The following RNF17 variants were observed in gnomAD, a reference collection of about 807,000 sequenced individuals.
RNF17 encodes ring finger protein 17, also known as spermatogenesis associated 23.
In RNF17, 31 loss-of-function variants were observed where a neutral mutation model predicts 200.5. The observed-to-expected ratio is 0.15, with a 90% CI of 0.12 to 0.21. The LOEUF (loss-of-function observed/expected upper bound fraction) is 0.21, where lower values mean the gene tolerates loss of function less well. Among genes scored for constraint, RNF17 ranks in the 10% least tolerant of loss-of-function variants. The pLI, the probability that RNF17 is intolerant of heterozygous loss-of-function variation, is 1.00. For missense variants in RNF17, 1,628 were observed against 1,905.1 expected (o/e 0.85, Z 2.71); for synonymous variants, 606 against 637.8 (o/e 0.95, Z 0.75).
At chr13:24,772,684 C>T (rs1356432894) in intron 2 of RNF17, among the ~76,000 whole-genome samples, 3 of 151,684 alleles carry the variant, frequency 2.0e-5, no homozygotes, top group Non-Finnish European at 4.4e-5. Context: ...CATCTCAGCT[C>T]ACTGCAAGCT....
chr13:24,764,712 G>A (rs1032218617), intron 1 of RNF17, among the ~76,000 whole-genome samples: 8 of 152,212 alleles, frequency 5.3e-5, no homozygotes, highest in African/African-American at 1.9e-4. Flanking sequence ...ATTTTCTCCT[G>A]TAGTTTTTGT....
chr13:24,850,565 G>GT, intron 23 of RNF17, 122 bp downstream of exon 23: 1 of 639,832 alleles, frequency 1.6e-6, no homozygotes, highest in South Asian at 2.3e-5. Flanking sequence ...AATTTTGTCG[G>GT]TTTTATTTCA....
rs1891892474 is a variant in RNF17 at position 24,851,542 on chromosome 13, T to C, written c.3291T>C (p.Ile1097=). 6.2e-7 allele frequency: 1 copy of C among 1,612,334 alleles called. No homozygotes were observed. Among genetic ancestry groups the C allele is most frequent in the African/African-American group, 1.3e-5 (1 of 74,828 alleles). ...GTGTTGATGTTTCTAAATATTTGAT[T>C]AAAAAGGGTTTGGCTTTGAGAGAAA... ...GERVDVSKYL[I]KKGLALRERR... is the part of the protein sequence containing the mutation. Residue 1097 remains isoleucine (I), a synonymous_variant, in exon 24 of 36, where the codon ATT becomes ATC. Transcript: ENST00000255324.
At position 24,844,974 on chromosome 13, in the gene RNF17, A is replaced by C; in HGVS notation, c.2996A>C (p.Asp999Ala). The change falls in exon 22 of 36, where the codon GAT (aspartate) becomes GCT (alanine). Residue 999 changes from aspartate (D) to alanine (A), a missense_variant. Coordinates refer to ENST00000255324, the MANE Select transcript of RNF17 (RefSeq NM_031277.3). Reference protein sequence around the residue: ...TDTLVEVLLYDVGVELVVNVD... With the variant: ...TDTLVEVLLYAVGVELVVNVD... ...TTATTTTCTTAGGTCTTGCTGTATG[A>C]TGTGGGTGTTGAACTAGTAGTGAAT... 6.2e-7 allele frequency: 1 copy of C among 1,601,740 alleles called. No individual in the cohort carries two copies. The highest frequency in any genetic ancestry group is 8.6e-7 in the Non-Finnish European group (1 of 1,169,218).
chr13:24,792,431 A>C (rs865811515), intron 9 of RNF17, among the ~76,000 whole-genome samples: 8 of 152,262 alleles, frequency 5.3e-5, no homozygotes, highest in Middle Eastern at 3.4e-3. Flanking sequence ...AAAACTTGAG[A>C]AGGAGCAGAC....
intron 15 of RNF17, among the ~76,000 whole-genome samples, chr13:24,820,121 CTTTTTTTT>C (rs200683421): frequency 1.8e-4 from 20 of 113,316 alleles, no homozygotes; most frequent in Non-Finnish European, 3.4e-4. Flanking sequence ...TTTCTTTTTT[CTTTTTTTT>C]TTTTTTTTTT....
chr13:24,757,875 T>C, the RNF17 span, among the ~76,000 whole-genome samples: 33 of 152,332 alleles, frequency 2.2e-4, no homozygotes, highest in African/African-American at 7.7e-4. Context: ...CCAAATCTCA[T>C]GTCAAATTGT....
the RNF17 span, among the ~76,000 whole-genome samples, chr13:24,753,547 G>A: frequency 6.6e-6 from 1 of 152,182 alleles, no homozygotes; most frequent in African/African-American, 2.4e-5. Flanking sequence ...AAGGCAAGGA[G>A]TTGAGGAAGA....
intron 2 of RNF17, among the ~76,000 whole-genome samples, chr13:24,770,404 C>A (rs1880492888): frequency 6.6e-6 from 1 of 152,054 alleles, no homozygotes; most frequent in African/African-American, 2.4e-5. Flanking sequence ...TACTTAAAAT[C>A]TTTTAAATTA....
chr13:24,788,649 C>T (rs1224393723), intron 7 of RNF17, among the ~76,000 whole-genome samples: 1 of 152,130 alleles, frequency 6.6e-6, no homozygotes, highest in Non-Finnish European at 1.5e-5. Flanking sequence ...AGTCAAGAGA[C>T]AGCTTCAGCC....
intron 16 of RNF17, among the ~76,000 whole-genome samples, chr13:24,830,124 T>G (rs1593368812): frequency 6.6e-6 from 1 of 152,188 alleles, no homozygotes; most frequent in African/African-American, 2.4e-5. Context: ...TTAGAGATAT[T>G]AATTAGCTTG....
At chr13:24,797,340 T>A (rs187066709) in intron 11 of RNF17, among the ~76,000 whole-genome samples, 1 of 152,338 alleles carries the variant, frequency 6.6e-6, no homozygotes, top group Admixed American at 6.5e-5. Context: ...GGAAGACATG[T>A]GAATTGTTGA....
At chr13:24,827,701 C>CAAAAAAAAAAAAAAAAA (rs538402990) in intron 16 of RNF17, among the ~76,000 whole-genome samples, 2 of 12,246 alleles carry the variant, frequency 1.6e-4, no homozygotes, top group Non-Finnish European at 2.7e-4. Context: ...GACTCCGTCT[C>CAAAAAAAAAAAAAAAAA]AAAAAAAAAA....
intron 2 of RNF17, among the ~76,000 whole-genome samples, chr13:24,770,976 T>TA (rs1439206446): frequency 6.6e-6 from 1 of 152,232 alleles, no homozygotes; most frequent in Non-Finnish European, 1.5e-5. Context: ...CAATTTGATG[T>TA]AAAAAATGGC....
At chr13:24,826,130 C>T (rs1888597673) in intron 16 of RNF17, 1 of 967,994 alleles carries the variant, frequency 1.0e-6, no homozygotes, top group Non-Finnish European at 1.2e-6. Context: ...TTTGTGTCCT[C>T]TCTGCTTCCC....
intron 6 of RNF17, among the ~76,000 whole-genome samples, chr13:24,783,636 G>A (rs1882725333): frequency 6.6e-6 from 1 of 151,764 alleles, no homozygotes; most frequent in South Asian, 2.1e-4. Flanking sequence ...ATTGTAAAAG[G>A]GATTATTTCC....
At chr13:24,888,172 C>G in the RNF17 span, among the ~76,000 whole-genome samples, 151 of 151,764 alleles carry the variant, frequency 9.9e-4, no homozygotes, top group Middle Eastern at 6.8e-3. Context: ...TACTTGTGGC[C>G]TGAGGATTGA....
At chr13:24,766,271 A>G (rs1378116497) in intron 1 of RNF17, among the ~76,000 whole-genome samples, 1 of 152,252 alleles carries the variant, frequency 6.6e-6, no homozygotes, top group African/African-American at 2.4e-5. Flanking sequence ...GAACTCTATA[A>G]TTATTTTGCT....
intron 17 of RNF17, 103 bp downstream of exon 17, chr13:24,830,702 CT>C (rs2138020321): frequency 2.5e-6 from 2 of 809,092 alleles, no homozygotes; most frequent in Non-Finnish European, 4.1e-6. Flanking sequence ...CCCTTTTTGT[CT>C]AGTTGCTGAT....
Sources: allele counts gnomAD v4.1 joint callset (sites outside exome capture counted in the v4.1 genomes callset), GRCh38; gene constraint gnomAD v4.1.1; transcripts MANE v1.5; gene names NCBI Gene and HGNC (gene_info 2026-07-23, HGNC 2026-07-21).